Variants in KCNIP4 observed in about 807,000 individuals in gnomAD.
KCNIP4 encodes Kv channel-interacting protein 4.
A neutral mutation model predicts 34.0 loss-of-function variants in KCNIP4; 12 were observed. The ratio of observed to expected loss-of-function variants is 0.35; its 90% CI spans 0.23 to 0.57. KCNIP4 has a LOEUF of 0.57. KCNIP4 is among the 20% of genes least tolerant of loss of function. The pLI is 0.83. For missense variants in KCNIP4, 238 were observed against 311.7 expected, an observed-to-expected ratio of 0.76 and a Z score of 1.78; for synonymous variants, 124 against 102.2, an observed-to-expected ratio of 1.21 and a Z score of -1.29.
At chr4:20,999,028 G>T (rs1737818134) in intron 1 of KCNIP4, among the ~76,000 whole-genome samples, 1 of 152,202 alleles carries the variant, frequency 6.6e-6, no homozygotes. Flanking sequence ...ATATTATAGT[G>T]AGAGCAAAGG....
chr4:21,337,305 A>C (rs764907421), intron 1 of KCNIP4, among the ~76,000 whole-genome samples: 42 of 152,342 alleles, frequency 2.8e-4, no homozygotes, highest in Admixed American at 9.8e-4. Context: ...TCAAATCTGC[A>C]AATAAGGCAG....
At chr4:21,092,530 C>T (rs1031318309) in intron 1 of KCNIP4, among the ~76,000 whole-genome samples, 7 of 152,086 alleles carry the variant, frequency 4.6e-5, no homozygotes, top group Non-Finnish European at 8.8e-5. Flanking sequence ...AGTGAGCTGC[C>T]CTGAAATGAG....
intron 1 of KCNIP4, among the ~76,000 whole-genome samples, chr4:21,693,095 A>C (rs1445016427): frequency 1.0e-5 from 1 of 100,416 alleles, no homozygotes; most frequent in Non-Finnish European, 2.3e-5. Context: ...GATTTTGCTT[A>C]GGATCACCTC....
chr4:21,456,824 T>C (rs1203321849), intron 1 of KCNIP4, among the ~76,000 whole-genome samples: 2 of 152,068 alleles, frequency 1.3e-5, no homozygotes, highest in Non-Finnish European at 2.9e-5. Context: ...TTTTACAGAA[T>C]GAATTATAGA....
chr4:20,863,648 C>G (rs890554269), intron 2 of KCNIP4, among the ~76,000 whole-genome samples: 2 of 152,096 alleles, frequency 1.3e-5, no homozygotes, highest in African/African-American at 4.8e-5. Context: ...TCAGCCTACG[C>G]CCAGGAATGA....
At chr4:21,338,348 C>T (rs16870863) in intron 1 of KCNIP4, among the ~76,000 whole-genome samples, 5,002 of 150,686 alleles carry the variant, frequency 0.033, 216 homozygotes, top group East Asian at 0.2. Flanking sequence ...GTCCCACTGG[C>T]TATACATTGT....
intron 1 of KCNIP4, among the ~76,000 whole-genome samples, chr4:20,964,550 T>C (rs1226766779): frequency 6.6e-6 from 1 of 152,174 alleles, no homozygotes; most frequent in Non-Finnish European, 1.5e-5. Context: ...CTGAGTGCCC[T>C]GGCCTTCATC....
chr4:21,413,089 T>A (rs1577323233), intron 1 of KCNIP4, among the ~76,000 whole-genome samples: 1 of 152,330 alleles, frequency 6.6e-6, no homozygotes, highest in South Asian at 2.1e-4. Context: ...CTACAATAAC[T>A]GGTTACAGAA....
At position 20,742,599 on chromosome 4, in the gene KCNIP4, G is replaced by A. The variant is rs544682935; in HGVS notation, c.429+7063C>T. Among the ~76,000 whole-genome samples the A allele has an allele frequency of 3.3e-5, 5 of 152,212 alleles. No individual in the cohort carries two copies. In the East Asian group the frequency reaches 7.7e-4, roughly 24 times the overall value. ...AAGAGCTATTTATGGCAAACCCACA[G>A]CCAATATCATACTGAATGGGCAAAA... On this transcript the variant is annotated intron_variant, in intron 5 of 8. Coordinates refer to ENST00000382152, the MANE Select transcript of KCNIP4 (RefSeq NM_025221.6).
intron 1 of KCNIP4, among the ~76,000 whole-genome samples, chr4:21,665,042 T>C (rs1176474172): frequency 3.9e-5 from 6 of 152,206 alleles, no homozygotes; most frequent in African/African-American, 9.6e-5. Context: ...GGCTATCATA[T>C]AGTATTTTTG....
intron 1 of KCNIP4, among the ~76,000 whole-genome samples, chr4:21,653,749 T>C (rs1747693353): frequency 6.6e-6 from 1 of 152,184 alleles, no homozygotes; most frequent in South Asian, 2.1e-4. Flanking sequence ...TAGGAAGTAT[T>C]ATTATAAGCA....
chr4:21,836,202 C>T (rs550717386), intron 1 of KCNIP4, among the ~76,000 whole-genome samples: 1 of 152,266 alleles, frequency 6.6e-6, no homozygotes, highest in South Asian at 2.1e-4. Context: ...TTGGGTCTTA[C>T]ATATTCCATA....
intron 1 of KCNIP4, among the ~76,000 whole-genome samples, chr4:21,912,090 G>A (rs968012152): frequency 2.0e-5 from 3 of 151,818 alleles, no homozygotes; most frequent in Non-Finnish European, 2.9e-5. Flanking sequence ...ATAACTCACC[G>A]AGAGCATCCC....
chr4:20,947,579 C>T (rs1732317872), intron 1 of KCNIP4, among the ~76,000 whole-genome samples: 1 of 152,174 alleles, frequency 6.6e-6, no homozygotes, highest in Non-Finnish European at 1.5e-5. Flanking sequence ...ACTTAGCCTA[C>T]TTTACATGAA....
intron 1 of KCNIP4, among the ~76,000 whole-genome samples, chr4:21,603,173 A>G (rs1743341966): frequency 6.6e-6 from 1 of 152,134 alleles, no homozygotes; most frequent in Non-Finnish European, 1.5e-5. Context: ...AACTTATTTG[A>G]GCATTTATTT....
chr4:21,918,626 A>C (rs1399607307), intron 1 of KCNIP4, among the ~76,000 whole-genome samples: 1 of 152,212 alleles, frequency 6.6e-6, no homozygotes. Flanking sequence ...AACCAGAGTA[A>C]GATGCCTGCC....
chr4:20,887,539 A>C (rs887623033), intron 1 of KCNIP4, among the ~76,000 whole-genome samples: 10 of 152,126 alleles, frequency 6.6e-5, no homozygotes, highest in African/African-American at 2.2e-4. Context: ...CAAATAATGT[A>C]AGAATAATTT....
At chr4:21,902,720 G>T (rs1030241731) in intron 1 of KCNIP4, among the ~76,000 whole-genome samples, 3 of 152,058 alleles carry the variant, frequency 2.0e-5, no homozygotes, top group African/African-American at 7.2e-5. Context: ...AGGTGGGTAG[G>T]AATTAAGTTA....
At chr4:21,087,145 A>AGTGTGTGT (rs753858012) in intron 1 of KCNIP4, among the ~76,000 whole-genome samples, 26 of 70,298 alleles carry the variant, frequency 3.7e-4, no homozygotes, top group South Asian at 1.7e-3. Context: ...ACTGCTGGGT[A>AGTGTGTGT]ATGTGTGTGT....
Sources: gnomAD v4.1 joint callset for allele counts (sites outside exome capture counted in the v4.1 genomes callset) on GRCh38, gnomAD v4.1.1 for gene constraint, MANE v1.5 for transcripts, NCBI Gene and HGNC (gene_info 2026-07-23, HGNC 2026-07-21) for gene names.